Variants in DGKI observed in about 807,000 individuals in gnomAD.
The protein encoded by DGKI is diacylglycerol kinase iota, also known as DAG kinase iota.
DGKI carries 55 observed loss-of-function variants against 147.5 expected under a neutral mutation model. The ratio of observed to expected loss-of-function variants is 0.37; its 90% CI spans 0.30 to 0.47. The LOEUF is 0.47. Among genes scored for constraint, DGKI ranks in the 20% least tolerant of loss-of-function variants. The pLI is 1.00. For missense variants in DGKI, 1,007 were observed against 1,323.8 expected (o/e 0.76, Z 3.71); for synonymous variants, 469 against 477.1 (o/e 0.98, Z 0.22).
intron 18 of DGKI, 49 bp downstream of exon 18, chr7:137,572,716 C>CA: frequency 1.5e-6 from 2 of 1,301,974 alleles, no homozygotes; most frequent in Non-Finnish European, 2.2e-6. Context: ...CAGATAACCT[C>CA]AAGTCAGAGT....
intron 1 of DGKI, among the ~76,000 whole-genome samples, chr7:137,756,724 A>G (rs1299392183): frequency 6.6e-5 from 10 of 152,140 alleles, no homozygotes; most frequent in Non-Finnish European, 1.5e-5. Context: ...TAAAAAAAAA[A>G]TTAGTTCCAA....
Position 137,391,227 on chromosome 7 carries a change from G to A in DGKI, c.3167C>T (p.Ala1056Val). The change falls in exon 33 of 33, where the codon GCT (alanine) becomes GTT (valine). Residue 1056 changes from alanine (A) to valine (V), a missense_variant. Around this residue, in one of 5 missense-constraint regions of DGKI, gnomAD observed 385 missense variants for 445.2 expected, o/e 0.86. Transcript: ENST00000614521. Reference protein sequence around the residue: ...KVIGHEDLETAV With the variant: ...KVIGHEDLETVV The stretch of plus-strand genomic sequence containing the variant: ...TTTGCCCGAATACCAGGGTCAAACA[G>A]CAGTTTCCAGGTCCTCATGGCCAAT... 6.2e-7 allele frequency: 1 copy of A among 1,613,462 alleles called. No individual in the cohort carries two copies. The highest frequency in any genetic ancestry group is 8.5e-7 in the Non-Finnish European group (1 of 1,179,516).
chr7:137,578,228 ATAAG>A (rs1195058123), intron 16 of DGKI, 38 bp downstream of exon 16: 2 of 1,410,644 alleles, frequency 1.4e-6, no homozygotes, highest in Admixed American at 1.7e-5. Context: ...TGAATTGGCA[ATAAG>A]TAATATGTAG....
intron 1 of DGKI, among the ~76,000 whole-genome samples, chr7:137,705,078 A>G (rs1005947695): frequency 6.6e-6 from 1 of 152,192 alleles, no homozygotes; most frequent in African/African-American, 2.4e-5. Flanking sequence ...ATTTCATTTC[A>G]CTAAAATAAA....
intron 21 of DGKI, among the ~76,000 whole-genome samples, chr7:137,512,895 A>G (rs1816625648): frequency 6.6e-6 from 1 of 152,172 alleles, no homozygotes; most frequent in African/African-American, 2.4e-5. Flanking sequence ...CCCGGGTATC[A>G]GAGTCCTTTG....
intron 21 of DGKI, among the ~76,000 whole-genome samples, chr7:137,501,914 T>C (rs1386766986): frequency 6.6e-6 from 1 of 152,122 alleles, no homozygotes; most frequent in Non-Finnish European, 1.5e-5. Flanking sequence ...GAATGAATCA[T>C]GGGGGCAGGT....
intron 20 of DGKI, among the ~76,000 whole-genome samples, chr7:137,535,437 T>C (rs1817484627): frequency 1.3e-5 from 2 of 152,148 alleles, no homozygotes; most frequent in African/African-American, 2.4e-5. Flanking sequence ...TTGTGAAATT[T>C]ATTTTTATTT....
At chr7:137,681,298 T>C (rs1823227905) in intron 2 of DGKI, among the ~76,000 whole-genome samples, 1 of 152,202 alleles carries the variant, frequency 6.6e-6, no homozygotes, top group South Asian at 2.1e-4. Flanking sequence ...GAAAATAGGC[T>C]TCACCTCACA....
At chr7:137,423,920 C>G (rs1409636279) in intron 28 of DGKI, among the ~76,000 whole-genome samples, 2 of 152,076 alleles carry the variant, frequency 1.3e-5, no homozygotes, top group African/African-American at 4.8e-5. Flanking sequence ...GCAGAATGTG[C>G]AGCTTTACAT....
intron 12 of DGKI, among the ~76,000 whole-genome samples, chr7:137,591,061 T>TG (rs1169306654): frequency 2.0e-5 from 3 of 152,190 alleles, no homozygotes; most frequent in African/African-American, 7.2e-5. Context: ...CAGAGAAGGT[T>TG]GTCAGGAGTT....
rs577447738 is a variant in DGKI at position 137,534,637 on chromosome 7, C to G, written c.2148-12671G>C. ...AATAATAGGGTAATGTTCTTCAGCT[C>G]TCTTTATACCCTTTAATAAAAAAAT... On this transcript the variant is annotated intron_variant, in intron 20 of 32. Coordinates refer to ENST00000614521, the MANE Select transcript of DGKI (RefSeq NM_001321708.2). Among the ~76,000 whole-genome samples, 3 of 152,062 alleles carry G rather than the reference C, an allele frequency of 2.0e-5. No homozygotes were observed. In the East Asian group the frequency reaches 5.8e-4, roughly 29 times the overall value.
intron 27 of DGKI, among the ~76,000 whole-genome samples, chr7:137,450,070 C>A (rs115056939): frequency 0.032 from 4,935 of 152,200 alleles, 303 homozygotes; most frequent in African/African-American, 0.11. Context: ...CATGTGGAAT[C>A]TAAAATGTTG....
chr7:137,541,443 G>T (rs1585213178), intron 20 of DGKI, among the ~76,000 whole-genome samples: 1 of 152,162 alleles, frequency 6.6e-6, no homozygotes, highest in Non-Finnish European at 1.5e-5. Context: ...CATAGCATTT[G>T]TACTGTATTG....
chr7:137,454,677 C>T (rs1313220776), intron 27 of DGKI: 2 of 152,066 alleles, frequency 1.3e-5, no homozygotes, highest in Non-Finnish European at 2.9e-5. Flanking sequence ...AATATAGTTG[C>T]CAGCCCACTT....
At chr7:137,429,297 T>C (rs1319029551) in intron 28 of DGKI, among the ~76,000 whole-genome samples, 2 of 151,818 alleles carry the variant, frequency 1.3e-5, no homozygotes, top group South Asian at 2.1e-4. Flanking sequence ...AAACAAGCAA[T>C]GGGGAAAGGA....
At chr7:137,842,807 TAGAC>T (rs753449728) in intron 1 of DGKI, among the ~76,000 whole-genome samples, 11 of 151,938 alleles carry the variant, frequency 7.2e-5, no homozygotes, top group Non-Finnish European at 1.6e-4. Flanking sequence ...TAAAATTATA[TAGAC>T]AAAGGGCCAC....
chr7:137,554,889 A>G (rs554967107), intron 19 of DGKI, among the ~76,000 whole-genome samples: 1 of 152,036 alleles, frequency 6.6e-6, no homozygotes, highest in African/African-American at 2.4e-5. Context: ...TAAACAAAAA[A>G]GAATAGAAAA....
chr7:137,801,563 T>C (rs1797208506), intron 1 of DGKI, among the ~76,000 whole-genome samples: 1 of 152,190 alleles, frequency 6.6e-6, no homozygotes, highest in Non-Finnish European at 1.5e-5. Context: ...CTCCACAGAA[T>C]AAATAATAAT....
In DGKI at chr7:137,472,120, A is replaced by T. The variant is rs1352738197; in HGVS notation, c.2374-2501T>A. On this transcript the variant is annotated intron_variant, in intron 23 of 32. Coordinates refer to ENST00000614521, the MANE Select transcript of DGKI (RefSeq NM_001321708.2). ...ACATATATGTGTATATATACATATA[A>T]ATATATATACACATATATATGTGTA... 2.3e-3 allele frequency among the ~76,000 whole-genome samples: 287 copies of T among 123,212 alleles called. 7 individuals carry two copies. Among genetic ancestry groups the T allele is most frequent in the African/African-American group, 8.6e-3 (268 of 31,014 alleles). 80.8% of individuals were successfully genotyped at this position (123,212 alleles called of 152,430 possible).
Sources: gnomAD v4.1 joint callset for allele counts (sites outside exome capture counted in the v4.1 genomes callset) on GRCh38, gnomAD v4.1.1 for gene constraint, gnomAD v4.1.1 regional missense constraint, MANE v1.5 for transcripts, NCBI Gene and HGNC (gene_info 2026-07-23, HGNC 2026-07-21) for gene names.